Variants in UCHL3 observed in about 807,000 individuals in gnomAD.
UCHL3 encodes ubiquitin carboxyl-terminal hydrolase isozyme L3.
Under a neutral mutation model 35.8 loss-of-function variants are expected in UCHL3, and 22 were observed. The observed-to-expected ratio is 0.61, with a 90% CI of 0.44 to 0.88. UCHL3 has a LOEUF of 0.88. UCHL3 is among the 40% of genes least tolerant of loss of function. The pLI, the probability that UCHL3 is intolerant of heterozygous loss-of-function variation, is 0.00. For missense variants in UCHL3, 229 were observed against 276.9 expected (o/e 0.83, Z 1.23); for synonymous variants, 90 against 92.8 (o/e 0.97, Z 0.17).
intron 6 of UCHL3, among the ~76,000 whole-genome samples, chr13:75,578,612 G>A (rs185595636): frequency 3.3e-5 from 5 of 151,986 alleles, no homozygotes; most frequent in African/African-American, 7.2e-5. Context: ...ATTTTTGCTT[G>A]TTTAATAGGG....
At chr13:75,550,738 A>AT (rs2031068419) in intron 2 of UCHL3, among the ~76,000 whole-genome samples, 1 of 100,356 alleles carries the variant, frequency 1.0e-5, no homozygotes. Context: ...TTTTTTTTTC[A>AT]TTCTCAACAG....
At chr13:75,605,587 T>C (rs2032918772) in intron 8 of UCHL3, 142 bp from the exon 9 acceptor site, 2 of 778,074 alleles carry the variant, frequency 2.6e-6, no homozygotes, top group African/African-American at 1.8e-5. Flanking sequence ...CATGTTCACT[T>C]TTCTGGTGTT....
At chr13:75,553,685 C>T (rs773681226) in intron 2 of UCHL3, among the ~76,000 whole-genome samples, 12 of 152,148 alleles carry the variant, frequency 7.9e-5, no homozygotes, top group African/African-American at 2.2e-4. Flanking sequence ...ACATAGATGA[C>T]CCCATGTTCC....
chr13:75,567,772 T>C (rs2031731002), intron 5 of UCHL3, among the ~76,000 whole-genome samples: 1 of 152,120 alleles, frequency 6.6e-6, no homozygotes, highest in Non-Finnish European at 1.5e-5. Flanking sequence ...GGTCTCGAAC[T>C]CCTGGCCTCA....
intron 7 of UCHL3, among the ~76,000 whole-genome samples, chr13:75,603,536 A>C (rs2032838245): frequency 6.6e-6 from 1 of 152,174 alleles, no homozygotes; most frequent in Non-Finnish European, 1.5e-5. Flanking sequence ...TTAGGGAGGG[A>C]ACAGCCTACA....
intron 6 of UCHL3, among the ~76,000 whole-genome samples, chr13:75,577,629 T>C (rs2032064380): frequency 6.6e-6 from 1 of 152,204 alleles, no homozygotes; most frequent in Admixed American, 6.5e-5. Flanking sequence ...GGTTTGGGCT[T>C]CCACTAAAGT....
chr13:75,571,426 G>A (rs2031853482), intron 6 of UCHL3, among the ~76,000 whole-genome samples: 1 of 152,072 alleles, frequency 6.6e-6, no homozygotes, highest in Admixed American at 6.6e-5. Flanking sequence ...ATTTTAGAAT[G>A]CATTTTTATT....
chr13:75,567,344 T>C, intron 5 of UCHL3, 32 bp downstream of exon 5: 1 of 1,592,420 alleles, frequency 6.3e-7, no homozygotes, highest in South Asian at 1.1e-5. Flanking sequence ...TGATCTCATG[T>C]GGGCAAAAGT....
intron 6 of UCHL3, among the ~76,000 whole-genome samples, chr13:75,572,819 C>T (rs2031904472): frequency 1.3e-5 from 2 of 152,130 alleles, no homozygotes; most frequent in African/African-American, 2.4e-5. Context: ...TTGTGCACTC[C>T]AGGGTGGAAT....
chr13:75,596,532 C>T (rs2032650372), intron 7 of UCHL3, among the ~76,000 whole-genome samples: 1 of 152,086 alleles, frequency 6.6e-6, no homozygotes, highest in Admixed American at 6.5e-5. Context: ...ACTTAACAGA[C>T]ACATTCTGTT....
Position 75,604,707 on chromosome 13 carries a change from G to A in UCHL3, c.551-62G>A, listed in dbSNP as rs1386840796. ...TCACTGGGGGAAGAGGAAAATGGAA[G>A]TTGAAAGCACATTATCCTGTAAAAA... is the stretch of plus-strand genomic sequence containing the variant. On this transcript the variant is annotated intron_variant, in intron 7 of 8. Transcript: ENST00000377595. The A allele has an allele frequency of 5.0e-6, 7 of 1,413,460 alleles. No individual in the cohort carries two copies. In the African/African-American group the frequency reaches 7.3e-5, roughly 15 times the overall value. 87.6% of individuals were successfully genotyped at this position (1,413,460 alleles called of 1,614,324 possible). A position where few individuals can be genotyped will look rare whatever the true frequency, so the allele number is the denominator to read the frequency against.
chr13:75,556,993 G>T (rs9600495), intron 2 of UCHL3, among the ~76,000 whole-genome samples: 3,626 of 152,276 alleles, frequency 0.024, 159 homozygotes, highest in African/African-American at 0.081. Flanking sequence ...GGGGCCAGAG[G>T]ATTGCTTGAG....
chr13:75,588,798 A>G (rs989137097), intron 6 of UCHL3, among the ~76,000 whole-genome samples: 1 of 152,140 alleles, frequency 6.6e-6, no homozygotes, highest in African/African-American at 2.4e-5. Context: ...GATTTATATT[A>G]CCATTCTTTT....
At chr13:75,561,306 T>A (rs943977856) in intron 3 of UCHL3, among the ~76,000 whole-genome samples, 27 of 152,180 alleles carry the variant, frequency 1.8e-4, no homozygotes, top group African/African-American at 6.5e-4. Context: ...ATGATCCCCT[T>A]CTTGCATAAA....
At chr13:75,580,719 C>T (rs189997654) in intron 6 of UCHL3, among the ~76,000 whole-genome samples, 29 of 152,236 alleles carry the variant, frequency 1.9e-4, no homozygotes, top group Non-Finnish European at 5.9e-5. Context: ...GCTGTATCTA[C>T]CCTAGTTTGA....
At chr13:75,555,291 C>T (rs1177536687) in intron 2 of UCHL3, among the ~76,000 whole-genome samples, 2 of 152,322 alleles carry the variant, frequency 1.3e-5, no homozygotes, top group East Asian at 1.9e-4. Flanking sequence ...CAAATCTGTA[C>T]TGTCATCCTC....
At chr13:75,587,638 A>G (rs9543986) in intron 6 of UCHL3, among the ~76,000 whole-genome samples, 18,657 of 152,220 alleles carry the variant, frequency 0.12, 1,431 homozygotes, top group Middle Eastern at 0.29. Context: ...GTAAAATGTC[A>G]TAGTCAAATC....
At chr13:75,556,780 G>A (rs1341961323) in intron 2 of UCHL3, among the ~76,000 whole-genome samples, 1 of 152,188 alleles carries the variant, frequency 6.6e-6, no homozygotes, top group Non-Finnish European at 1.5e-5. Flanking sequence ...AGAGAATAAA[G>A]TACCAAAAAG....
At chr13:75,549,690 C>G (rs2030999094), upstream of UCHL3, 2 of 1,095,302 alleles carry the variant, frequency 1.8e-6, no homozygotes, top group Non-Finnish European at 2.5e-6. Context: ...CCGTCAAACT[C>G]TTTTTGGTGT....
Sources: allele counts gnomAD v4.1 joint callset (sites outside exome capture counted in the v4.1 genomes callset), GRCh38; gene constraint gnomAD v4.1.1; transcripts MANE v1.5; gene names NCBI Gene and HGNC (gene_info 2026-07-23, HGNC 2026-07-21).